Variants in PTPRT observed in about 807,000 individuals in gnomAD.
PTPRT encodes the protein protein tyrosine phosphatase receptor type T.
Under a neutral mutation model 176.8 loss-of-function variants are expected in PTPRT, and 56 were observed. The observed-to-expected ratio is 0.32, with a 90% CI of 0.26 to 0.40. PTPRT has a LOEUF of 0.40. PTPRT is among the 10% of genes least tolerant of loss of function. PTPRT has a pLI of 1.00. For synonymous variants in PTPRT, 783 were observed against 739.0 expected (o/e 1.06, Z -0.96); for missense variants, 1,540 against 1,908.2 (o/e 0.81, Z 3.60).
chr20:42,905,237 C>T (rs951018177), intron 1 of PTPRT, among the ~76,000 whole-genome samples: 45 of 152,178 alleles, frequency 3.0e-4, no homozygotes, highest in African/African-American at 1.1e-3. Context: ...ACAAACAACC[C>T]CATCAAAAAG....
At chr20:42,342,130 A>T (rs1020130701) in intron 11 of PTPRT, among the ~76,000 whole-genome samples, 4 of 152,166 alleles carry the variant, frequency 2.6e-5, no homozygotes, top group African/African-American at 9.7e-5. Flanking sequence ...GTGCTATATC[A>T]CCAGACTGAC....
At chr20:42,533,459 G>C (rs1434954196) in intron 7 of PTPRT, among the ~76,000 whole-genome samples, 1 of 151,954 alleles carries the variant, frequency 6.6e-6, no homozygotes, top group African/African-American at 2.4e-5. Flanking sequence ...CAATTACCTG[G>C]AAACCAGGAG....
In PTPRT at chr20:42,913,788, T is replaced by C. The variant is rs373148313; in HGVS notation, c.89-27856A>G. Among the ~76,000 whole-genome samples the C allele has an allele frequency of 3.4e-4, 52 of 152,372 alleles. 2 individuals carry two copies. The South Asian group carries it at 0.011, about 32-fold the overall frequency. On this transcript the variant is annotated intron_variant, in intron 1 of 30. Transcript: ENST00000373187. ...AAAAGCTGTTTGTTTATGTTTAGTA[T>C]GATAAGAACTCATCTTTCAATTTCC...
At chr20:42,719,684 A>T (rs531573806) in intron 6 of PTPRT, among the ~76,000 whole-genome samples, 4 of 152,366 alleles carry the variant, frequency 2.6e-5, no homozygotes, top group African/African-American at 9.6e-5. Flanking sequence ...GTCTATGGTC[A>T]TGGTGACCTA....
intron 22 of PTPRT, among the ~76,000 whole-genome samples, chr20:42,113,983 C>G (rs960319534): frequency 1.3e-5 from 2 of 152,210 alleles, no homozygotes; most frequent in African/African-American, 4.8e-5. Context: ...TATGCTGGAA[C>G]AGTACTGTGT....
At chr20:42,176,382 G>A (rs916091944) in intron 16 of PTPRT, among the ~76,000 whole-genome samples, 4 of 152,122 alleles carry the variant, frequency 2.6e-5, no homozygotes, top group African/African-American at 9.7e-5. Flanking sequence ...TTCTCCTGAT[G>A]GGCTTCTGGT....
intron 15 of PTPRT, among the ~76,000 whole-genome samples, chr20:42,219,991 T>C (rs1183036054): frequency 6.6e-6 from 1 of 152,106 alleles, no homozygotes; most frequent in East Asian, 1.9e-4. Context: ...AGTAACGAAA[T>C]TATTTCCCCA....
chr20:42,840,166 T>TAATC (rs368432642), intron 2 of PTPRT, among the ~76,000 whole-genome samples: 25 of 152,276 alleles, frequency 1.6e-4, no homozygotes, highest in African/African-American at 6.0e-4. Context: ...GGTTTGCTGG[T>TAATC]AATCCCTGGC....
intron 6 of PTPRT, among the ~76,000 whole-genome samples, chr20:42,701,321 G>C (rs764043903): frequency 1.2e-4 from 19 of 152,182 alleles, no homozygotes; most frequent in Non-Finnish European, 2.4e-4. Flanking sequence ...GAAGGTCACT[G>C]ATGTAACAGT....
intron 19 of PTPRT, among the ~76,000 whole-genome samples, chr20:42,127,396 C>G (rs1036613391): frequency 6.6e-5 from 10 of 152,036 alleles, no homozygotes; most frequent in Non-Finnish European, 1.3e-4. Context: ...CTGTCTGTCT[C>G]TCTCTCTTTC....
At chr20:43,018,224 A>C (rs999250947) in intron 1 of PTPRT, among the ~76,000 whole-genome samples, 1 of 152,212 alleles carries the variant, frequency 6.6e-6, no homozygotes, top group African/African-American at 2.4e-5. Flanking sequence ...AACTTCTCAC[A>C]AACCCAGAGG....
chr20:43,094,735 G>T (rs1419250195), intron 1 of PTPRT, among the ~76,000 whole-genome samples: 1 of 152,060 alleles, frequency 6.6e-6, no homozygotes, highest in African/African-American at 2.4e-5. Context: ...TTATTGTTTG[G>T]CTTCCCTGTT....
At chr20:42,357,288 C>T (rs535350501) in intron 9 of PTPRT, among the ~76,000 whole-genome samples, 10 of 152,222 alleles carry the variant, frequency 6.6e-5, no homozygotes, top group Non-Finnish European at 1.2e-4. Context: ...AGATACCCTA[C>T]AGCCCACGCT....
intron 1 of PTPRT, among the ~76,000 whole-genome samples, chr20:43,089,538 A>G (rs865921706): frequency 1.5e-4 from 23 of 152,242 alleles, no homozygotes; most frequent in African/African-American, 5.5e-4. Flanking sequence ...AATAACTACA[A>G]GTGAGACAAT....
At chr20:42,437,319 G>A (rs956929112) in intron 9 of PTPRT, among the ~76,000 whole-genome samples, 15 of 152,158 alleles carry the variant, frequency 9.9e-5, no homozygotes, top group African/African-American at 3.6e-4. Context: ...AATCTCCCTG[G>A]TCCAAGCCTC....
intron 11 of PTPRT, among the ~76,000 whole-genome samples, chr20:42,326,799 C>A (rs1012534187): frequency 2.0e-5 from 3 of 151,862 alleles, no homozygotes; most frequent in Admixed American, 1.3e-4. Context: ...CAATTCTTGC[C>A]AAATTGATGT....
At chr20:42,645,541 T>C (rs776183363) in intron 7 of PTPRT, among the ~76,000 whole-genome samples, 1 of 152,104 alleles carries the variant, frequency 6.6e-6, no homozygotes, top group Non-Finnish European at 1.5e-5. Context: ...AATCAGGATC[T>C]GTTTTTGAGG....
chr20:42,685,089 AT>A (rs1201026951), intron 6 of PTPRT, among the ~76,000 whole-genome samples: 3 of 152,210 alleles, frequency 2.0e-5, no homozygotes, highest in African/African-American at 7.2e-5. Context: ...CCTAACCATT[AT>A]GATAAAGACA....
intron 27 of PTPRT, among the ~76,000 whole-genome samples, chr20:42,087,817 G>T (rs1234392640): frequency 1.3e-5 from 2 of 148,750 alleles, no homozygotes; most frequent in East Asian, 4.0e-4. Flanking sequence ...AGGTTGTAGT[G>T]GGTGGAGATC....
Sources: allele counts gnomAD v4.1 joint callset (sites outside exome capture counted in the v4.1 genomes callset), GRCh38; gene constraint gnomAD v4.1.1; transcripts MANE v1.5; gene names NCBI Gene and HGNC (gene_info 2026-07-23, HGNC 2026-07-21).